Variants in NEB observed in about 807,000 individuals in gnomAD.
NEB encodes nemaline myopathy type 2.
Under a neutral mutation model 952.2 loss-of-function variants are expected in NEB, and 512 were observed. The ratio of observed to expected loss-of-function variants is 0.54; its 90% CI spans 0.50 to 0.58. NEB has a LOEUF of 0.58. Among genes scored for constraint, NEB ranks in the 20% least tolerant of loss-of-function variants. The pLI, the probability that NEB is intolerant of heterozygous loss-of-function variation, is 0.00. For synonymous variants in NEB, 2,900 were observed against 3,149.8 expected, an observed-to-expected ratio of 0.92 and a Z score of 2.66; for missense variants, 8,428 against 9,231.1, an observed-to-expected ratio of 0.91 and a Z score of 3.56.
chr2:151,625,669 A>T (rs1253783328), intron 70 of NEB, 31 bp from the exon 71 acceptor site: 5 of 1,472,106 alleles, frequency 3.4e-6, no homozygotes, highest in Non-Finnish European at 3.7e-6. Context: ...AATGAATTAG[A>T]AAAACAGTTT....
intron 29 of NEB, among the ~76,000 whole-genome samples, 192 bp from the exon 30 acceptor site, chr2:151,681,020 T>C (rs915088402): frequency 6.6e-6 from 1 of 152,180 alleles, no homozygotes; most frequent in Non-Finnish European, 1.5e-5. Flanking sequence ...CATTTAATTG[T>C]GGATAGTTTG....
At chr2:151,562,525 G>A (rs75414727) in intron 120 of NEB, 86 bp downstream of exon 120, 57 of 1,301,382 alleles carry the variant, frequency 4.4e-5, no homozygotes, top group Middle Eastern at 2.5e-4. Flanking sequence ...CAGGGACAAC[G>A]GGAGCATGGC....
chr2:151,497,933 G>GAGTT lies in NEB; in HGVS notation c.24208-219_24208-216dup, dbSNP rs2061404785. ...TTCAGCTGCTGAGGAAGGGCTGTCA[G>GAGTT]AGTTATCCATGTTATTTTTTTTCAT... is the stretch of plus-strand genomic sequence containing the variant. On this transcript the variant is annotated intron_variant, in intron 170 of 181. Transcript: ENST00000397345. 6.9e-6 allele frequency: 10 copies of GAGTT among 1,454,670 alleles called. No individual in the cohort carries two copies. In the South Asian group the frequency reaches 1.0e-4, roughly 15 times the overall value. The allele number at this position is 1,454,670 out of a possible 1,614,324, so 90.1% of individuals were successfully genotyped here.
rs571195392 is a variant in NEB, at chr2:151,730,829, A to G, written c.37-1173T>C. On this transcript the variant is annotated intron_variant, in intron 3 of 181. Coordinates refer to ENST00000397345, the MANE Select transcript of NEB (RefSeq NM_001164508.2). Reference sequence around the variant, plus strand: ...ATTTCACCTGCGTTAACAATCGTCTAGAACTTGCCTAATGTTCCTCATTCT... The same window carrying G: ...ATTTCACCTGCGTTAACAATCGTCTGGAACTTGCCTAATGTTCCTCATTCT... Among the ~76,000 whole-genome samples the G allele has an allele frequency of 2.6e-5, 4 of 152,214 alleles. No individual in the cohort carries two copies. In the South Asian group the frequency reaches 8.3e-4, roughly 32 times the overall value.
At chr2:151,679,253 C>T (rs1434968473) in intron 32 of NEB, among the ~76,000 whole-genome samples, 6 of 152,050 alleles carry the variant, frequency 3.9e-5, no homozygotes, top group Non-Finnish European at 8.8e-5. Flanking sequence ...AAATAAAATT[C>T]TTAACTGTAA....
Position 151,525,941 on chromosome 2 carries a change from G to A in NEB, c.22161+17C>T, listed in dbSNP as rs777563421. 1.3e-5 allele frequency: 21 copies of A among 1,592,926 alleles called. No homozygotes were observed. Among genetic ancestry groups the A allele is most frequent in the Non-Finnish European group, 1.7e-5 (20 of 1,160,864 alleles). ...GTGGCATTGTTGCTGCCAAGAGACC[G>A]GTGGTTGATCACTTACATCACTGAC... On this transcript the variant is annotated intron_variant, in intron 150 of 181. Coordinates refer to ENST00000397345, the MANE Select transcript of NEB (RefSeq NM_001164508.2).
chr2:151,615,616 G>C (rs2098166623), intron 76 of NEB, among the ~76,000 whole-genome samples: 3 of 152,098 alleles, frequency 2.0e-5, no homozygotes, highest in South Asian at 4.1e-4. Context: ...ATGTATATTG[G>C]CTGTTTCTCA....
chr2:151,663,749 T>G lies in NEB; in HGVS notation c.5562A>C (p.Ser1854=). The change falls in exon 45 of 182, where the codon TCA becomes TCC. Residue 1854 remains serine, a synonymous_variant. Transcript: ENST00000397345. ...VHFMQVAKMQ[S]DREYKKGYEK... is the part of the protein sequence containing the mutation. Reference sequence around the variant, plus strand: ...CATATCCCTTCTTGTATTCCCGGTCTGACTGCATCTTGGCCACTTGCATGA... The same window carrying G: ...CATATCCCTTCTTGTATTCCCGGTCGGACTGCATCTTGGCCACTTGCATGA... 1 of 1,613,876 alleles carries G rather than the reference T, an allele frequency of 6.2e-7. No individual in the cohort carries two copies. The highest frequency in any genetic ancestry group is 8.5e-7 in the Non-Finnish European group (1 of 1,179,810).
At chr2:151,502,672 C>A in intron 167 of NEB, 121 bp downstream of exon 167, 1 of 672,406 alleles carries the variant, frequency 1.5e-6, no homozygotes, top group Non-Finnish European at 2.6e-6. Context: ...GGGTTGAAAA[C>A]TGAGGTAATA....
intron 80 of NEB, 111 bp from the exon 81 acceptor site, chr2:151,610,231 C>A (rs2097897288): frequency 1.2e-5 from 11 of 880,972 alleles, no homozygotes; most frequent in Admixed American, 2.9e-5. Flanking sequence ...AACATTTTGG[C>A]ATCTCTGAAC....
Position 151,672,588 on chromosome 2 carries a change from A to G in NEB, c.4080T>C (p.Asn1360=), listed in dbSNP as rs766450256. Residue 1360 remains asparagine, a synonymous_variant, in exon 37 of 182, where the codon AAT becomes AAC. Transcript: ENST00000397345. ...CACGATCAGACTGCAGCTTTGCCAC[A>G]TTCATATAGTGGACCAGCTTGGGAT... The part of the protein sequence containing the change: ...QDDPKLVHYM[N]VAKLQSDREY... 1 of 1,613,986 alleles carries G rather than the reference A, an allele frequency of 6.2e-7. No individual in the cohort carries two copies. The highest frequency in any genetic ancestry group is 1.1e-5 in the South Asian group (1 of 91,088).
chr2:151,498,536 G>GGAAA (rs1438095671), intron 169 of NEB, among the ~76,000 whole-genome samples, 184 bp from the exon 170 acceptor site: 1 of 152,118 alleles, frequency 6.6e-6, no homozygotes, highest in East Asian at 1.9e-4. Context: ...AAGGAATGCA[G>GGAAA]GAAAGAGCAG....
intron 107 of NEB, among the ~76,000 whole-genome samples, chr2:151,572,872 A>T: frequency 7.5e-6 from 1 of 132,826 alleles, no homozygotes; most frequent in South Asian, 2.4e-4. Context: ...ATTTTTAACT[A>T]AAAAAAAAAA....
chr2:151,526,831 C>G, intron 148 of NEB, 87 bp downstream of exon 148: 1 of 995,994 alleles, frequency 1.0e-6, no homozygotes, highest in East Asian at 2.6e-5. Context: ...CAGCTCTTCT[C>G]CATCCTTCCC....
intron 153 of NEB, among the ~76,000 whole-genome samples, chr2:151,520,679 C>T (rs922157319): frequency 1.3e-5 from 2 of 152,058 alleles, no homozygotes; most frequent in South Asian, 2.1e-4. Context: ...AGCCTGGGCA[C>T]GTGCTGAAAC....
At position 151,662,326 on chromosome 2, in the gene NEB, C is replaced by T; in HGVS notation, c.5779G>A (p.Asp1927Asn). The T allele has an allele frequency of 6.3e-7, 1 of 1,580,992 alleles. No individual in the cohort carries two copies. Among genetic ancestry groups the T allele is most frequent in the Non-Finnish European group, 8.6e-7 (1 of 1,163,852 alleles). Reference sequence around the variant, plus strand: ...ATGCCCTTCATGAAGTCAGCATAGTCAGCCTTGTACTGATTCTGCAAAAGA... The same window carrying T: ...ATGCCCTTCATGAAGTCAGCATAGTTAGCCTTGTACTGATTCTGCAAAAGA... ...QIQSDNQYKA[D>N]YADFMKGIGW... is the part of the protein sequence containing the mutation. Residue 1927 changes from aspartate to asparagine, a missense_variant, in exon 46 of 182, where the codon GAC becomes AAC. Around this residue, in one of 11 missense-constraint regions of NEB, gnomAD observed 2,851 missense variants for 2,791.5 expected, o/e 1.02. Transcript: ENST00000397345.
chr2:151,709,824 T>G, intron 11 of NEB, 61 bp from the exon 12 acceptor site: 1 of 1,289,432 alleles, frequency 7.8e-7, no homozygotes. Flanking sequence ...AGAATTTCCA[T>G]GAGAAGACAC....
chr2:151,714,576 A>G (rs1020707358), intron 10 of NEB, among the ~76,000 whole-genome samples: 13 of 152,176 alleles, frequency 8.5e-5, no homozygotes, highest in South Asian at 4.2e-4. Flanking sequence ...CTTTTCTCCA[A>G]TTAATCTGCC....
chr2:151,486,019 T>A, intron 181 of NEB, 86 bp from the exon 182 acceptor site: 1 of 1,372,604 alleles, frequency 7.3e-7, no homozygotes, highest in Non-Finnish European at 1.0e-6. Flanking sequence ...CTCTCATGAC[T>A]GACTCCACAA....
Sources: allele counts gnomAD v4.1 joint callset (sites outside exome capture counted in the v4.1 genomes callset), GRCh38; gene constraint gnomAD v4.1.1; regional missense constraint gnomAD v4.1.1; transcripts MANE v1.5; gene names NCBI Gene and HGNC (gene_info 2026-07-23, HGNC 2026-07-21).